CTDP1: variants seen among roughly 807,000 people sequenced by gnomAD.
CTDP1 encodes CTD phosphatase 1.
CTDP1 carries 47 observed loss-of-function variants against 91.8 expected under a neutral mutation model. The ratio of observed to expected loss-of-function variants is 0.51; its 90% CI spans 0.41 to 0.65. The LOEUF (loss-of-function observed/expected upper bound fraction) is 0.65. Among genes scored for constraint, CTDP1 ranks in the 30% least tolerant of loss-of-function variants. CTDP1 has a pLI of 0.00. For synonymous variants in CTDP1, 656 were observed against 598.5 expected (o/e 1.10, Z -1.40); for missense variants, 1,272 against 1,373.7 (o/e 0.93, Z 1.17).
chr18:79,721,409 C>T (rs1599268981), intron 10 of CTDP1, among the ~76,000 whole-genome samples: 1 of 152,084 alleles, frequency 6.6e-6, no homozygotes, highest in East Asian at 1.9e-4. Context: ...TGTGGAGACC[C>T]CCCGTCTAGG....
chr18:79,706,419 C>G (rs576749170), intron 5 of CTDP1, among the ~76,000 whole-genome samples: 2 of 152,192 alleles, frequency 1.3e-5, no homozygotes, highest in East Asian at 3.8e-4. Context: ...TCACACAAAC[C>G]GCAGGGACAG....
At chr18:79,683,283 G>T (rs2085412652) in intron 1 of CTDP1, 1 of 152,220 alleles carries the variant, frequency 6.6e-6, no homozygotes, top group South Asian at 2.1e-4. Flanking sequence ...GCAAGCATTT[G>T]GTTGAAGTTT....
intron 11 of CTDP1, among the ~76,000 whole-genome samples, chr18:79,733,836 G>A (rs959932493): frequency 3.9e-5 from 6 of 152,082 alleles, no homozygotes; most frequent in South Asian, 2.1e-4. Flanking sequence ...TTTCATTTCC[G>A]TGCATTGACA....
intron 1 of CTDP1, among the ~76,000 whole-genome samples, chr18:79,688,695 C>T (rs1355609047): frequency 6.6e-6 from 1 of 152,154 alleles, no homozygotes; most frequent in Non-Finnish European, 1.5e-5. Context: ...CCATCACTCC[C>T]AGCCACACCC....
chr18:79,744,072 G>A (rs950185935), intron 12 of CTDP1, among the ~76,000 whole-genome samples: 1 of 152,200 alleles, frequency 6.6e-6, no homozygotes, highest in South Asian at 2.1e-4. Context: ...CCTTTGGAGA[G>A]GCTGATCAGA....
intron 1 of CTDP1, among the ~76,000 whole-genome samples, chr18:79,689,772 CTCCG>C (rs567842556): frequency 4.3e-4 from 66 of 152,304 alleles, no homozygotes; most frequent in Non-Finnish European, 5.9e-4. Context: ...CGGAGCGAGA[CTCCG>C]TCACAAATAA....
rs565483299 is a variant in CTDP1, at chr18:79,701,366, C to T, written c.621+3378C>T. Among the ~76,000 whole-genome samples, 12 of 151,790 alleles carry T rather than the reference C, an allele frequency of 7.9e-5. No individual in the cohort carries two copies. In the East Asian group the frequency reaches 1.2e-3, roughly 15 times the overall value. On this transcript the variant is annotated intron_variant, in intron 4 of 12. Transcript: ENST00000613122. ...TCTACTAAAAATACAAAAAATTAGC[C>T]GGGTGTGGTGGCGGGTGCCTGTAGT...
At chr18:79,730,488 C>G (rs2086543411) in intron 11 of CTDP1, among the ~76,000 whole-genome samples, 1 of 83,960 alleles carries the variant, frequency 1.2e-5, no homozygotes, top group African/African-American at 4.1e-5. Context: ...CAATGGGAGA[C>G]AGATGTCTTG....
chr18:79,747,317 C>T (rs1308152334), intron 12 of CTDP1, among the ~76,000 whole-genome samples: 3 of 152,190 alleles, frequency 2.0e-5, no homozygotes, highest in Non-Finnish European at 4.4e-5. Context: ...ATTCTAATGC[C>T]ATGAGATTGC....
At chr18:79,704,615 T>C (rs1178472543) in intron 4 of CTDP1, 152 bp from the exon 5 acceptor site, 1 of 983,890 alleles carries the variant, frequency 1.0e-6, no homozygotes, top group East Asian at 2.5e-5. Context: ...CCCGTGTGTC[T>C]TCAGGACGCC....
chr18:79,700,506 C>T (rs1249499112), intron 4 of CTDP1, among the ~76,000 whole-genome samples: 2 of 152,178 alleles, frequency 1.3e-5, no homozygotes, highest in African/African-American at 4.8e-5. Context: ...CAGAGCAAGG[C>T]CCCAACTGTC....
chr18:79,680,285 G>C (rs553405714), intron 1 of CTDP1, 24 bp downstream of exon 1: 59 of 1,246,892 alleles, frequency 4.7e-5, no homozygotes, highest in Non-Finnish European at 5.8e-5. Context: ...GCCGGGCGGG[G>C]CCGAGGGCGG....
In CTDP1 at chr18:79,728,944, G is replaced by A. The variant is rs1568207608; in HGVS notation, c.2455G>A (p.Glu819Lys). 6.2e-7 allele frequency: 1 copy of A among 1,614,192 alleles called. No individual in the cohort carries two copies. Among genetic ancestry groups the A allele is most frequent in the Non-Finnish European group, 8.5e-7 (1 of 1,180,038 alleles). ...ACCCCAGCCGCAGATGTTTGGTGAA[G>A]AGCTGCCTGACGCTCAGGACGGAGA... is the stretch of plus-strand genomic sequence containing the variant. ...PPPQPQMFGE[E>K]LPDAQDGEQP... The change falls in exon 11 of 13, where the codon GAG becomes AAG. Residue 819 changes from glutamate to lysine, a missense_variant. Physicochemically the swap from Glu to Lys is moderately conservative, Grantham distance 56. This residue lies in a region of CTDP1 where 881 missense variants were observed against 911.6 expected (regional missense o/e 0.97). Transcript: ENST00000613122.
At chr18:79,701,434 C>T (rs561039548) in intron 4 of CTDP1, among the ~76,000 whole-genome samples, 6 of 151,832 alleles carry the variant, frequency 4.0e-5, no homozygotes, top group East Asian at 3.9e-4. Context: ...GGCGTGAACC[C>T]GGGAGGCGGA....
intron 12 of CTDP1, among the ~76,000 whole-genome samples, chr18:79,750,806 G>A (rs1336315112): frequency 2.0e-5 from 3 of 150,972 alleles, no homozygotes; most frequent in East Asian, 2.0e-4. Flanking sequence ...GAGCCGCCAC[G>A]CCCTGCCTAC....
chr18:79,737,534 C>G (rs113507368), intron 12 of CTDP1, among the ~76,000 whole-genome samples: 4 of 152,186 alleles, frequency 2.6e-5, no homozygotes, highest in South Asian at 4.1e-4. Context: ...GTGCTGCTGT[C>G]GAATGGTGGG....
At chr18:79,738,811 C>G (rs531074851) in intron 12 of CTDP1, among the ~76,000 whole-genome samples, 1 of 152,372 alleles carries the variant, frequency 6.6e-6, no homozygotes, top group African/African-American at 2.4e-5. Flanking sequence ...TGGCAACCCA[C>G]TCTGTGTTTA....
chr18:79,697,781 G>C, intron 3 of CTDP1, 79 bp from the exon 4 acceptor site: 1 of 1,589,026 alleles, frequency 6.3e-7, no homozygotes, highest in Non-Finnish European at 8.6e-7. Flanking sequence ...ATATAGTTTT[G>C]TGTTTCTCGA....
At chr18:79,723,325 G>A (rs2086382789) in intron 10 of CTDP1, among the ~76,000 whole-genome samples, 1 of 152,190 alleles carries the variant, frequency 6.6e-6, no homozygotes, top group South Asian at 2.1e-4. Context: ...CATTGGTTGT[G>A]CTGCTGTGGA....
Sources: gnomAD v4.1 joint callset for allele counts (sites outside exome capture counted in the v4.1 genomes callset) on GRCh38, gnomAD v4.1.1 for gene constraint, gnomAD v4.1.1 regional missense constraint, MANE v1.5 for transcripts, NCBI Gene and HGNC (gene_info 2026-07-23, HGNC 2026-07-21) for gene names.